ARHGAP32: variants seen among roughly 807,000 people sequenced by gnomAD.
ARHGAP32 encodes Rho GTPase activating protein 32.
In ARHGAP32, 51 loss-of-function variants were observed where a neutral mutation model predicts 186.5. The observed-to-expected ratio is 0.27, with a 90% confidence interval of 0.22 to 0.35. The LOEUF is 0.35. Ranked by LOEUF, ARHGAP32 falls within the 10% of genes least tolerant of loss-of-function variation. ARHGAP32 has a pLI of 1.00. For synonymous variants in ARHGAP32, 950 were observed against 964.3 expected, an observed-to-expected ratio of 0.99 and a Z score of 0.27; for missense variants, 2,186 against 2,623.5, an observed-to-expected ratio of 0.83 and a Z score of 3.64.
At chr11:129,129,245 G>A (rs1037944331) in intron 2 of ARHGAP32, among the ~76,000 whole-genome samples, 7 of 143,774 alleles carry the variant, frequency 4.9e-5, no homozygotes, top group African/African-American at 1.8e-4. Flanking sequence ...TGCCCCGTCT[G>A]GGAAGTGAGG....
intron 1 of ARHGAP32, among the ~76,000 whole-genome samples, chr11:129,222,439 C>G (rs1187409684): frequency 6.6e-6 from 1 of 152,104 alleles, no homozygotes; most frequent in African/African-American, 2.4e-5. Context: ...AAAAGCTATG[C>G]CCTGCTACAC....
At chr11:129,057,698 T>A (rs1370625387) in intron 10 of ARHGAP32, among the ~76,000 whole-genome samples, 1 of 113,588 alleles carries the variant, frequency 8.8e-6, no homozygotes, top group Non-Finnish European at 1.7e-5. Flanking sequence ...CAATAGCGTT[T>A]GATAAAAAAA....
At chr11:129,258,061 T>C (rs1022171456) in intron 1 of ARHGAP32, among the ~76,000 whole-genome samples, 2 of 152,148 alleles carry the variant, frequency 1.3e-5, no homozygotes, top group Non-Finnish European at 2.9e-5. Flanking sequence ...AAAATAGCAA[T>C]GTAATACATT....
chr11:129,203,531 G>C (rs1031595681), intron 1 of ARHGAP32, among the ~76,000 whole-genome samples: 4 of 151,964 alleles, frequency 2.6e-5, no homozygotes, highest in Non-Finnish European at 5.9e-5. Flanking sequence ...TAAAAGTATA[G>C]TGTTGAAAAT....
intron 1 of ARHGAP32, among the ~76,000 whole-genome samples, chr11:129,272,408 C>G (rs909100687): frequency 2.6e-5 from 4 of 152,174 alleles, no homozygotes; most frequent in Non-Finnish European, 5.9e-5. Context: ...CCTACACTCT[C>G]ATCTGCAAAA....
intron 11 of ARHGAP32, among the ~76,000 whole-genome samples, chr11:129,006,849 G>T (rs1457648857): frequency 6.6e-6 from 1 of 152,226 alleles, no homozygotes; most frequent in African/African-American, 2.4e-5. Flanking sequence ...TGGGTCCAGA[G>T]ATGTTGTCCA....
intron 1 of ARHGAP32, among the ~76,000 whole-genome samples, chr11:129,257,892 G>A (rs1463766465): frequency 6.6e-6 from 1 of 152,004 alleles, no homozygotes; most frequent in Non-Finnish European, 1.5e-5. Context: ...TTTATCTGAT[G>A]ATATATAGTC....
chr11:129,086,141 C>T (rs546279937), intron 6 of ARHGAP32, among the ~76,000 whole-genome samples: 1 of 151,822 alleles, frequency 6.6e-6, no homozygotes, highest in Non-Finnish European at 1.5e-5. Flanking sequence ...TAAAAGTCAA[C>T]TGACATTTGA....
intron 12 of ARHGAP32, among the ~76,000 whole-genome samples, chr11:128,989,553 C>CACAT (rs1360415393): frequency 6.6e-6 from 1 of 150,512 alleles, no homozygotes. Context: ...CACACACACA[C>CACAT]ACATACATAT....
chr11:129,044,751 T>G (rs1386731238), intron 10 of ARHGAP32, among the ~76,000 whole-genome samples: 1 of 152,150 alleles, frequency 6.6e-6, no homozygotes, highest in African/African-American at 2.4e-5. Context: ...ATTTACTAGG[T>G]TCTGTGATCT....
Position 128,969,057 on chromosome 11 carries a change from T to C in ARHGAP32, c.6156A>G (p.Gly2052=), listed in dbSNP as rs775159410. The stretch of plus-strand genomic sequence containing the variant: ...TCCCCATGCCGCCCCCTCCAAAGAC[T>C]CCTCGCTGGTGCTGAGGCAGGGAGT... The part of the protein sequence containing the change: ...DYHSLPQHQR[G]VFGGGGMGTY... The change falls in exon 23 of 23, where the codon GGA becomes GGG. Residue 2052 remains glycine (G), a synonymous_variant. Coordinates refer to ENST00000682385, the MANE Select transcript of ARHGAP32 (RefSeq NM_001378024.1). This position sits in a 1 kb window ranked among gnomAD's most constrained non-coding sequence, Gnocchi z 4.8. 1 of 1,611,876 alleles carries C rather than the reference T, an allele frequency of 6.2e-7. No homozygotes were observed. The highest frequency in any genetic ancestry group is 1.7e-5 in the Admixed American group (1 of 59,850).
At chr11:129,049,867 T>C (rs1045002306) in intron 10 of ARHGAP32, among the ~76,000 whole-genome samples, 1 of 151,462 alleles carries the variant, frequency 6.6e-6, no homozygotes. Context: ...TATGGACACA[T>C]GCTTTTTCTG....
intron 1 of ARHGAP32, among the ~76,000 whole-genome samples, chr11:129,263,196 A>G (rs1158403293): frequency 6.6e-6 from 1 of 152,198 alleles, no homozygotes; most frequent in Non-Finnish European, 1.5e-5. Flanking sequence ...TTTTTTGGAC[A>G]TGACACCAAA....
upstream of ARHGAP32, among the ~76,000 whole-genome samples, chr11:129,195,138 T>C (rs1432015644): frequency 6.6e-6 from 1 of 151,288 alleles, no homozygotes; most frequent in Non-Finnish European, 1.5e-5. Flanking sequence ...CTGCTAATTT[T>C]TGTTGTTGTT....
At chr11:129,260,116 T>A (rs11221622) in intron 1 of ARHGAP32, among the ~76,000 whole-genome samples, 1 of 152,118 alleles carries the variant, frequency 6.6e-6, no homozygotes, top group South Asian at 2.1e-4. Flanking sequence ...ACTCACTGAT[T>A]GAACTTTTAC....
intron 1 of ARHGAP32, among the ~76,000 whole-genome samples, chr11:129,232,793 C>T (rs1367216318): frequency 6.6e-6 from 1 of 152,070 alleles, no homozygotes; most frequent in African/African-American, 2.4e-5. Context: ...ATCACATGTC[C>T]CCTTCCTATC....
chr11:129,158,348 A>C (rs1046042397), intron 2 of ARHGAP32, among the ~76,000 whole-genome samples: 1 of 151,384 alleles, frequency 6.6e-6, no homozygotes, highest in East Asian at 1.9e-4. Flanking sequence ...ATGCGCACAT[A>C]GGCTCAAAAT....
intron 5 of ARHGAP32, among the ~76,000 whole-genome samples, chr11:129,109,556 TC>T (rs889605252): frequency 7.2e-5 from 11 of 152,176 alleles, no homozygotes; most frequent in Admixed American, 1.3e-4. Context: ...GTTTAAGAGG[TC>T]CCTTTTCTCT....
intron 6 of ARHGAP32, among the ~76,000 whole-genome samples, chr11:129,086,226 A>C (rs535399950): frequency 6.6e-6 from 1 of 152,292 alleles, no homozygotes; most frequent in South Asian, 2.1e-4. Flanking sequence ...GGACATCCAC[A>C]TGCAACAAGA....
Sources: gnomAD v4.1 joint callset for allele counts (sites outside exome capture counted in the v4.1 genomes callset) on GRCh38, gnomAD v4.1.1 for gene constraint, Gnocchi (gnomAD v3.1) non-coding constraint, MANE v1.5 for transcripts, NCBI Gene and HGNC (gene_info 2026-07-23, HGNC 2026-07-21) for gene names.